Variants in NT5C2 observed in about 807,000 individuals in gnomAD.
NT5C2 encodes the protein 5'-nucleotidase, cytosolic II.
In NT5C2, 58 loss-of-function variants were observed where a neutral mutation model predicts 76.1. The observed-to-expected ratio is 0.76, with a 90% CI of 0.62 to 0.95. The LOEUF (loss-of-function observed/expected upper bound fraction) is 0.95, where lower values mean the gene tolerates loss of function less well. Ranked by LOEUF, NT5C2 falls within the 40% of genes least tolerant of loss-of-function variation. The pLI is 0.00. For synonymous variants in NT5C2, 229 were observed against 237.4 expected, an observed-to-expected ratio of 0.96 and a Z score of 0.32; for missense variants, 478 against 690.3, an observed-to-expected ratio of 0.69 and a Z score of 3.45.
At chr10:103,141,651 T>C (rs2080445373) in intron 3 of NT5C2, among the ~76,000 whole-genome samples, 1 of 152,170 alleles carries the variant, frequency 6.6e-6, no homozygotes, top group Non-Finnish European at 1.5e-5. Flanking sequence ...AAGATTACTT[T>C]TGGGATTTTA....
intron 8 of NT5C2, 199 bp downstream of exon 8, chr10:103,100,846 A>C (rs1232577233): frequency 1.5e-6 from 1 of 678,864 alleles, no homozygotes; most frequent in Admixed American, 2.0e-5. Context: ...ACTGGCAAGG[A>C]GAGGGGCCGT....
rs574489268 is a variant in NT5C2 at position 103,134,347 on chromosome 10, C to T, written c.175+5059G>A. Among the ~76,000 whole-genome samples, 4 of 152,282 alleles carry T rather than the reference C, an allele frequency of 2.6e-5. No individual in the cohort carries two copies. The East Asian group carries it at 5.8e-4, about 22-fold the overall frequency. ...TGTGTGCAGTCTGGCGACTTAGTGC[C>T]GAGTCCCAGCCACTCCTGCCATGGC... is the stretch of plus-strand genomic sequence containing the variant. On this transcript the variant is annotated intron_variant, in intron 4 of 18. Coordinates refer to ENST00000404739, the MANE Select transcript of NT5C2 (RefSeq NM_001351169.2).
chr10:103,193,182 G>C (rs2092782016), intron 1 of NT5C2, 54 bp downstream of exon 1: 1 of 152,178 alleles, frequency 6.6e-6, no homozygotes, highest in Non-Finnish European at 1.5e-5. Context: ...TCCCCACCTA[G>C]CTCCCCGTTC....
At chr10:103,107,247 A>C (rs917242915) in intron 4 of NT5C2, among the ~76,000 whole-genome samples, 5 of 152,230 alleles carry the variant, frequency 3.3e-5, no homozygotes, top group African/African-American at 7.2e-5. Flanking sequence ...TCCACTTGTT[A>C]GATTAACTGT....
At chr10:103,114,013 G>A (rs1430144036) in intron 4 of NT5C2, among the ~76,000 whole-genome samples, 1 of 152,210 alleles carries the variant, frequency 6.6e-6, no homozygotes, top group Non-Finnish European at 1.5e-5. Flanking sequence ...AGGAGGAAGT[G>A]GCTACTCAAG....
chr10:103,096,190 T>C (rs2068113659), intron 11 of NT5C2, among the ~76,000 whole-genome samples: 1 of 152,224 alleles, frequency 6.6e-6, no homozygotes, highest in Non-Finnish European at 1.5e-5. Flanking sequence ...CTTCTGACAT[T>C]CTCAGGGAGG....
intron 3 of NT5C2, among the ~76,000 whole-genome samples, chr10:103,170,796 G>A (rs2087765793): frequency 1.3e-5 from 2 of 151,732 alleles, no homozygotes; most frequent in Admixed American, 1.3e-4. Context: ...CAAAGTGTGT[G>A]GACTACAGGC....
rs143973542 is a variant in NT5C2, at chr10:103,106,631, T to C, written c.251A>G (p.Gln84Arg). Residue 84 changes from glutamine to arginine, a missense_variant, in exon 5 of 19, where the codon CAG becomes CGG. By Grantham distance (43) the Gln-to-Arg change is conservative (BLOSUM62 1). Coordinates refer to ENST00000404739, the MANE Select transcript of NT5C2 (RefSeq NM_001351169.2). ...ATCATAAGCAAAGCTGAGCAACTCCTGGGGATAGCCAATAGAAACTAATCT... is the reference window on the plus strand; with the variant it reads ...ATCATAAGCAAAGCTGAGCAACTCCCGGGGATAGCCAATAGAAACTAATCT... ...VERLVSIGYPQELLSFAYDST... is the reference protein window; with the variant it reads ...VERLVSIGYPRELLSFAYDST... 78 of 1,613,720 alleles carry C rather than the reference T, an allele frequency of 4.8e-5. No homozygotes were observed. The African/African-American group carries it at 6.9e-4, about 14-fold the overall frequency.
chr10:103,162,830 T>C (rs1489785915), intron 3 of NT5C2, among the ~76,000 whole-genome samples: 1 of 152,194 alleles, frequency 6.6e-6, no homozygotes, highest in Non-Finnish European at 1.5e-5. Flanking sequence ...TAATAGTTTA[T>C]TTAAAATACA....
chr10:103,091,367 C>T lies in NT5C2; in HGVS notation c.1211+197G>A, dbSNP rs113021110. Among the ~76,000 whole-genome samples the T allele has an allele frequency of 0.015, 2,185 of 148,494 alleles. 55 individuals carry two copies. The highest frequency in any genetic ancestry group is 0.05 in the African/African-American group (2,027 of 40,340). On this transcript the variant is annotated intron_variant, in intron 16 of 18. Transcript: ENST00000404739. ...GAAAGAACTTTTTTTTTTTTTGAGA[C>T]GGAGTTTCACTCTTGTCGCCCAGGC...
At chr10:103,113,658 C>T (rs1045054257) in intron 4 of NT5C2, among the ~76,000 whole-genome samples, 3 of 151,956 alleles carry the variant, frequency 2.0e-5, no homozygotes, top group Non-Finnish European at 4.4e-5. Flanking sequence ...GAGCTTATAG[C>T]TCATGGCATA....
chr10:103,110,393 T>G (rs1165092904), intron 4 of NT5C2, among the ~76,000 whole-genome samples: 4 of 152,026 alleles, frequency 2.6e-5, no homozygotes, highest in Admixed American at 2.0e-4. Context: ...GAGGCGGAGG[T>G]TGCAGTGATC....
chr10:103,140,684 T>A (rs1053498211), intron 3 of NT5C2, among the ~76,000 whole-genome samples: 1 of 152,238 alleles, frequency 6.6e-6, no homozygotes, highest in Non-Finnish European at 1.5e-5. Context: ...TCATGCATCA[T>A]TGCCAACATT....
chr10:103,159,144 G>T (rs1474478959), intron 3 of NT5C2, among the ~76,000 whole-genome samples: 2 of 151,896 alleles, frequency 1.3e-5, no homozygotes, highest in Non-Finnish European at 2.9e-5. Flanking sequence ...GAGGCAGGGG[G>T]ATCACTTGAG....
chr10:103,132,660 C>T (rs1363650477), intron 4 of NT5C2, among the ~76,000 whole-genome samples: 1 of 152,100 alleles, frequency 6.6e-6, no homozygotes, highest in African/African-American at 2.4e-5. Flanking sequence ...ATTCTCCTGC[C>T]TCAGCCTCCT....
Position 103,089,252 on chromosome 10 carries a change from C to G in NT5C2, c.*420G>C. The G allele has an allele frequency of 4.5e-6, 1 of 223,032 alleles. No individual in the cohort carries two copies. Among genetic ancestry groups the G allele is most frequent in the Non-Finnish European group, 8.9e-6 (1 of 111,924 alleles). The allele number at this position is 223,032 out of a possible 1,614,324, so 13.8% of individuals were successfully genotyped here. A position where few individuals can be genotyped will look rare whatever the true frequency, so the allele number is the denominator to read the frequency against. On this transcript the variant is annotated 3_prime_UTR_variant, in exon 19 of 19. Transcript: ENST00000404739. ...CTGATATACAATACCATGTAATGCA[C>G]TGGAAAAGTTGGACCTTGGAGTAAT...
chr10:103,112,998 A>G (rs994217718), intron 4 of NT5C2, among the ~76,000 whole-genome samples: 10 of 152,206 alleles, frequency 6.6e-5, no homozygotes, highest in African/African-American at 2.2e-4. Flanking sequence ...TTAAATAGAC[A>G]CAGGCAAAAA....
intron 3 of NT5C2, chr10:103,153,624 T>G: frequency 1.0e-6 from 1 of 985,350 alleles, no homozygotes; most frequent in Non-Finnish European, 1.2e-6. Context: ...GAGACAGGAA[T>G]CGTTACTGGC....
intron 15 of NT5C2, among the ~76,000 whole-genome samples, chr10:103,091,914 A>T (rs2067013411): frequency 6.6e-6 from 1 of 152,224 alleles, no homozygotes; most frequent in Non-Finnish European, 1.5e-5. Flanking sequence ...AAGTACCAGA[A>T]TTTACATGCT....
Sources: gnomAD v4.1 joint callset for allele counts (sites outside exome capture counted in the v4.1 genomes callset) on GRCh38, gnomAD v4.1.1 for gene constraint, MANE v1.5 for transcripts, NCBI Gene and HGNC (gene_info 2026-07-23, HGNC 2026-07-21) for gene names.